SH3D19: variants seen among roughly 807,000 people sequenced by gnomAD.
SH3D19 encodes the protein SH3 domain-containing protein 19.
SH3D19 carries 58 observed loss-of-function variants against 112.1 expected under a neutral mutation model. That is an observed-to-expected ratio of 0.52 (90% confidence interval 0.42 to 0.64). SH3D19 has a LOEUF of 0.64. Among genes scored for constraint, SH3D19 ranks in the 30% least tolerant of loss-of-function variants. The pLI, the probability that SH3D19 is intolerant of heterozygous loss-of-function variation, is 0.00. For synonymous variants in SH3D19, 391 were observed against 448.5 expected, an observed-to-expected ratio of 0.87 and a Z score of 1.62; for missense variants, 1,090 against 1,263.4, an observed-to-expected ratio of 0.86 and a Z score of 2.08.
At position 151,179,397 on chromosome 4, in the gene SH3D19, G is replaced by A; in HGVS notation, c.194C>T (p.Ser65Phe). 2 of 1,230,150 alleles carry A rather than the reference G, an allele frequency of 1.6e-6. No individual in the cohort carries two copies. The highest frequency in any genetic ancestry group is 2.0e-6 in the Non-Finnish European group (2 of 986,418). The allele number at this position is 1,230,150 out of a possible 1,614,324, so 76.2% of individuals were successfully genotyped here. The stretch of plus-strand genomic sequence containing the variant: ...TTCACTCTGAATAGAAGTCCGAGAA[G>A]CTGTTGAAGAAGGAATAAACTGGTA... ...LSSIRAVIKRSSRTSIQSELH... is the reference protein window; with the variant it reads ...LSSIRAVIKRFSRTSIQSELH... Residue 65 changes from serine (S) to phenylalanine (F), a missense_variant and splice_region_variant, in exon 4 of 20, where the codon TCT becomes TTT. Ser to Phe is a radical substitution (Grantham distance 155, BLOSUM62 -2). Transcript: ENST00000604030.
Position 151,148,062 on chromosome 4 carries a change from A to C in SH3D19, c.1942T>G (p.Ser648Ala), listed in dbSNP as rs750302383. 1.2e-6 allele frequency: 2 copies of C among 1,614,148 alleles called. No homozygotes were observed. The highest frequency in any genetic ancestry group is 1.7e-6 in the Non-Finnish European group (2 of 1,180,034). ...SNKKLPFNRS[S>A]SDMDLQKKQS... ...TTTTTCTGAAGATCCATGTCAGAAG[A>C]GGATCGATTAAAAGGCAGTTTCTTA... The change falls in exon 11 of 20, where the codon TCT becomes GCT. Residue 648 changes from serine to alanine, a missense_variant. Ser to Ala is a moderately conservative substitution (Grantham distance 99). Transcript: ENST00000604030.
rs1274557925 is a variant in SH3D19 at position 151,147,977 on chromosome 4, T to A, written c.2027A>T (p.Asp676Val). 6 of 1,614,014 alleles carry A rather than the reference T, an allele frequency of 3.7e-6. No homozygotes were observed. The highest frequency in any genetic ancestry group is 1.3e-5 in the African/African-American group (1 of 74,918). ...TTTGGGACGAGGGGGTAGCACCGGATCTTGATTTTTAAAAACTTGACTCTT... is the reference window on the plus strand; with the variant it reads ...TTTGGGACGAGGGGGTAGCACCGGAACTTGATTTTTAAAAACTTGACTCTT... ...KAKSQVFKNQ[D>V]PVLPPRPKPG... The change falls in exon 11 of 20, where the codon GAT (aspartate) becomes GTT (valine). Residue 676 changes from aspartate (D) to valine (V), a missense_variant. Transcript: ENST00000604030.
intron 2 of SH3D19, among the ~76,000 whole-genome samples, chr4:151,193,325 G>C (rs906598211): frequency 1.3e-5 from 2 of 151,232 alleles, no homozygotes; most frequent in African/African-American, 4.9e-5. Context: ...GTTCACTAAA[G>C]AACAGCACTC....
intron 1 of SH3D19, among the ~76,000 whole-genome samples, chr4:151,256,384 T>C (rs1234683231): frequency 6.6e-6 from 1 of 152,222 alleles, no homozygotes; most frequent in African/African-American, 2.4e-5. Flanking sequence ...AGCAGAAGTA[T>C]TTGAAAGAGG....
At chr4:151,180,185 A>G (rs1266989697) in intron 3 of SH3D19, among the ~76,000 whole-genome samples, 3 of 152,030 alleles carry the variant, frequency 2.0e-5, no homozygotes, top group African/African-American at 7.2e-5. Flanking sequence ...GCCTTTTATT[A>G]CTTAAACTAA....
At chr4:151,291,089 A>ATGCTCAT in intron 1 of SH3D19, 1 of 1,531,826 alleles carries the variant, frequency 6.5e-7, no homozygotes, top group Non-Finnish European at 8.9e-7. Context: ...TCTTTTCACT[A>ATGCTCAT]TGCTCATTAC....
Position 151,237,109 on chromosome 4 carries a change from C to T in SH3D19, c.113-11023G>A, listed in dbSNP as rs112595037. On this transcript the variant is annotated intron_variant, in intron 1 of 19. Coordinates refer to ENST00000604030, the MANE Select transcript of SH3D19 (RefSeq NM_001378122.1). ...TGCCTTTATGAGCTGTAACATGCAC[C>T]GCGAAAGTCTGCAGCTTCACTCCTG... Among the ~76,000 whole-genome samples, 64 of 152,148 alleles carry T rather than the reference C, an allele frequency of 4.2e-4. 1 individual carries two copies. Among genetic ancestry groups the T allele is most frequent in the African/African-American group, 1.3e-3 (54 of 41,488 alleles).
intron 2 of SH3D19, among the ~76,000 whole-genome samples, chr4:151,191,670 G>A (rs931726109): frequency 6.6e-6 from 1 of 152,056 alleles, no homozygotes; most frequent in Admixed American, 6.6e-5. Flanking sequence ...TTTTGAGATG[G>A]AGTCTTGCTC....
chr4:151,300,146 A>G (rs1403310922), intron 1 of SH3D19, among the ~76,000 whole-genome samples: 4 of 152,126 alleles, frequency 2.6e-5, no homozygotes, highest in Admixed American at 1.3e-4. Flanking sequence ...GGTTGCAGTG[A>G]GCCGACATCA....
chr4:151,265,143 TC>T (rs1772677512), intron 1 of SH3D19, among the ~76,000 whole-genome samples: 1 of 151,882 alleles, frequency 6.6e-6, no homozygotes, highest in Non-Finnish European at 1.5e-5. Flanking sequence ...AAAAACAAAT[TC>T]CCAAATGCAA....
chr4:151,276,233 T>C (rs1210446811), intron 1 of SH3D19, among the ~76,000 whole-genome samples: 1 of 152,198 alleles, frequency 6.6e-6, no homozygotes, highest in Non-Finnish European at 1.5e-5. Flanking sequence ...TTCATTGAAT[T>C]CTGCCTCCAC....
chr4:151,210,113 ATTTGG>A (rs1305725508), intron 2 of SH3D19, among the ~76,000 whole-genome samples: 1 of 152,170 alleles, frequency 6.6e-6, no homozygotes, highest in African/African-American at 2.4e-5. Flanking sequence ...CATGAAGATA[ATTTGG>A]TAGTATATAT....
intron 1 of SH3D19, 34 bp downstream of exon 1, chr4:151,325,207 G>A (rs771469149): frequency 1.2e-4 from 138 of 1,162,824 alleles, no homozygotes; most frequent in Non-Finnish European, 1.4e-4. Flanking sequence ...GCGCAGCTCT[G>A]GGTCCCCGCC....
At chr4:151,141,490 A>G (rs1752979203) in intron 12 of SH3D19, among the ~76,000 whole-genome samples, 2 of 152,126 alleles carry the variant, frequency 1.3e-5, no homozygotes, top group African/African-American at 4.8e-5. Context: ...ACAAAAAAAT[A>G]AAAAATTAGC....
intron 2 of SH3D19, among the ~76,000 whole-genome samples, chr4:151,224,871 A>G (rs1192092887): frequency 4.6e-5 from 7 of 152,196 alleles, no homozygotes; most frequent in African/African-American, 9.7e-5. Flanking sequence ...AGTATCTAAT[A>G]TAAAAGAATC....
At chr4:151,298,614 G>C (rs927852815) in intron 1 of SH3D19, among the ~76,000 whole-genome samples, 1 of 149,934 alleles carries the variant, frequency 6.7e-6, no homozygotes, top group African/African-American at 2.5e-5. Flanking sequence ...CTAGAGTTCA[G>C]AAGAGAGGGC....
chr4:151,147,103 C>T (rs547673160), intron 11 of SH3D19, among the ~76,000 whole-genome samples: 1 of 152,188 alleles, frequency 6.6e-6, no homozygotes, highest in South Asian at 2.1e-4. Flanking sequence ...AAACTATAAG[C>T]CAGGAGTGGA....
intron 1 of SH3D19, among the ~76,000 whole-genome samples, chr4:151,275,072 G>A (rs780712993): frequency 2.7e-4 from 40 of 150,598 alleles, no homozygotes; most frequent in African/African-American, 6.6e-4. Flanking sequence ...ATGGAAGTGC[G>A]GTTAGGACTT....
chr4:151,325,096 C>T (rs908411434), intron 1 of SH3D19, 145 bp downstream of exon 1: 8 of 400,780 alleles, frequency 2.0e-5, no homozygotes, highest in African/African-American at 4.2e-5. Flanking sequence ...GGAAATGCCA[C>T]CCTCCCCGAG....
Sources: gnomAD v4.1 joint callset for allele counts (sites outside exome capture counted in the v4.1 genomes callset) on GRCh38, gnomAD v4.1.1 for gene constraint, MANE v1.5 for transcripts, NCBI Gene and HGNC (gene_info 2026-07-23, HGNC 2026-07-21) for gene names.